USH2A: variants seen among roughly 807,000 people sequenced by gnomAD.
USH2A encodes Usher syndrome 2A (autosomal recessive, mild).
Under a neutral mutation model 538.9 loss-of-function variants are expected in USH2A, and 443 were observed. That is an observed-to-expected ratio of 0.82 (90% CI 0.76 to 0.89). USH2A has a LOEUF of 0.89. Among genes scored for constraint, USH2A ranks in the 40% least tolerant of loss-of-function variants. The pLI, the probability that USH2A is intolerant of heterozygous loss-of-function variation, is 0.00. For missense variants in USH2A, 6,633 were observed against 6,324.8 expected (o/e 1.05, Z -1.65); for synonymous variants, 2,413 against 2,273.5 (o/e 1.06, Z -1.75).
At chr1:215,983,834 A>C (rs868859817) in intron 35 of USH2A, among the ~76,000 whole-genome samples, 5 of 152,356 alleles carry the variant, frequency 3.3e-5, no homozygotes, top group African/African-American at 1.2e-4. Context: ...ACTAGCTAAG[A>C]TTCCTAGACC....
chr1:216,061,724 C>T (rs1429083017), intron 30 of USH2A, among the ~76,000 whole-genome samples: 1 of 152,096 alleles, frequency 6.6e-6, no homozygotes, highest in East Asian at 1.9e-4. Flanking sequence ...GTAAGAATCC[C>T]AGTGAAACGA....
intron 25 of USH2A, 33 bp from the exon 26 acceptor site, chr1:216,083,619 G>A (rs773493014): frequency 6.2e-7 from 1 of 1,605,388 alleles, no homozygotes; most frequent in East Asian, 2.2e-5. Context: ...ATATTAGCAT[G>A]TGTAACACAA....
chr1:215,681,739 T>G (rs903003772), intron 61 of USH2A, among the ~76,000 whole-genome samples: 11 of 152,218 alleles, frequency 7.2e-5, no homozygotes, highest in Non-Finnish European at 1.3e-4. Flanking sequence ...TTATTGGCTG[T>G]ATATTTTAAC....
intron 3 of USH2A, among the ~76,000 whole-genome samples, chr1:216,372,739 G>A (rs1297162936): frequency 6.6e-6 from 1 of 152,120 alleles, no homozygotes; most frequent in Non-Finnish European, 1.5e-5. Flanking sequence ...AAGGAATAGG[G>A]AGAGTTCCAG....
intron 43 of USH2A, among the ~76,000 whole-genome samples, chr1:215,873,687 CT>C (rs1429022844): frequency 6.6e-6 from 1 of 151,536 alleles, no homozygotes; most frequent in Non-Finnish European, 1.5e-5. Flanking sequence ...AAGTCTTACC[CT>C]TCTTTGAAAA....
intron 19 of USH2A, among the ~76,000 whole-genome samples, chr1:216,192,335 T>A (rs930311307): frequency 7.2e-5 from 11 of 152,184 alleles, no homozygotes; most frequent in Middle Eastern, 3.4e-3. Flanking sequence ...TGGACTTTGT[T>A]CTGCTACTTT....
intron 20 of USH2A, among the ~76,000 whole-genome samples, chr1:216,176,651 T>C (rs1014290332): frequency 2.6e-5 from 4 of 152,214 alleles, no homozygotes; most frequent in Non-Finnish European, 5.9e-5. Flanking sequence ...CATGCATCCA[T>C]CATTATGCTA....
chr1:215,722,935 C>G (rs1455561614), intron 61 of USH2A, among the ~76,000 whole-genome samples: 1 of 152,152 alleles, frequency 6.6e-6, no homozygotes, highest in Admixed American at 6.6e-5. Context: ...TGAGAAAAAG[C>G]AAACAAACCC....
At chr1:215,781,463 T>C (rs1283802456) in intron 54 of USH2A, among the ~76,000 whole-genome samples, 1 of 152,200 alleles carries the variant, frequency 6.6e-6, no homozygotes, top group African/African-American at 2.4e-5. Flanking sequence ...CTCTTTCCTT[T>C]TATTTCTGTA....
At chr1:216,208,087 T>A (rs2035156662) in intron 15 of USH2A, among the ~76,000 whole-genome samples, 1 of 152,224 alleles carries the variant, frequency 6.6e-6, no homozygotes, top group South Asian at 2.1e-4. Context: ...ACTTAAGTGA[T>A]GTTTTCTATA....
chr1:215,700,270 T>C (rs1285625951), intron 61 of USH2A, among the ~76,000 whole-genome samples: 2 of 152,180 alleles, frequency 1.3e-5, no homozygotes, highest in Non-Finnish European at 2.9e-5. Context: ...GAAATTTTCT[T>C]TTTTTGTCGT....
intron 35 of USH2A, among the ~76,000 whole-genome samples, chr1:215,978,882 C>T (rs1173540239): frequency 6.6e-6 from 1 of 152,164 alleles, no homozygotes; most frequent in Non-Finnish European, 1.5e-5. Flanking sequence ...AGGAAAATGA[C>T]ATTTGCCACT....
chr1:216,093,236 T>C (rs1267756675), intron 22 of USH2A, among the ~76,000 whole-genome samples: 1 of 152,202 alleles, frequency 6.6e-6, no homozygotes, highest in East Asian at 1.9e-4. Context: ...GTGCTAGGAT[T>C]ACAGGCATGA....
At chr1:216,299,713 C>A (rs565420514) in intron 9 of USH2A, among the ~76,000 whole-genome samples, 1 of 152,038 alleles carries the variant, frequency 6.6e-6, no homozygotes, top group Non-Finnish European at 1.5e-5. Flanking sequence ...AAATTACACA[C>A]AGATGAGCAA....
At chr1:215,878,569 C>G (rs1313583828) in intron 42 of USH2A, among the ~76,000 whole-genome samples, 195 bp downstream of exon 42, 1 of 152,090 alleles carries the variant, frequency 6.6e-6, no homozygotes, top group African/African-American at 2.4e-5. Context: ...TTTAGTTCTT[C>G]AAATTGATAA....
chr1:216,223,219 T>C (rs998656883), intron 14 of USH2A, among the ~76,000 whole-genome samples: 4 of 152,088 alleles, frequency 2.6e-5, no homozygotes, highest in African/African-American at 9.7e-5. Context: ...TCTGGTCTAG[T>C]GGAAAAGACA....
intron 21 of USH2A, among the ~76,000 whole-genome samples, chr1:216,166,154 G>T (rs1321417578): frequency 6.6e-6 from 1 of 152,122 alleles, no homozygotes; most frequent in Non-Finnish European, 1.5e-5. Context: ...GGCTGGGGTT[G>T]CTGGAAGTTT....
At chr1:216,344,789 C>T (rs1185234202) in intron 4 of USH2A, among the ~76,000 whole-genome samples, 4 of 151,612 alleles carry the variant, frequency 2.6e-5, no homozygotes, top group African/African-American at 4.9e-5. Flanking sequence ...GGATTCAAGG[C>T]CCAACTTAAG....
At chr1:216,031,208 A>C (rs1669113516) in intron 32 of USH2A, among the ~76,000 whole-genome samples, 1 of 152,070 alleles carries the variant, frequency 6.6e-6, no homozygotes, top group Non-Finnish European at 1.5e-5. Flanking sequence ...AGAAAGACAA[A>C]GACCCTAAAG....
Sources: allele counts gnomAD v4.1 joint callset (sites outside exome capture counted in the v4.1 genomes callset), GRCh38; gene constraint gnomAD v4.1.1; transcripts MANE v1.5; gene names NCBI Gene and HGNC (gene_info 2026-07-23, HGNC 2026-07-21).